RALY: variants seen among roughly 807,000 people sequenced by gnomAD.
RALY encodes the protein RNA-binding protein Raly.
A neutral mutation model predicts 30.7 loss-of-function variants in RALY; 15 were observed. The observed-to-expected ratio is 0.49, with a 90% confidence interval of 0.33 to 0.75. The LOEUF (loss-of-function observed/expected upper bound fraction) is 0.75. Among genes scored for constraint, RALY ranks in the 30% least tolerant of loss-of-function variants. The pLI is 0.02. For missense variants in RALY, 339 were observed against 414.3 expected (o/e 0.82, Z 1.58); for synonymous variants, 177 against 170.8 (o/e 1.04, Z -0.28).
rs533368584 is a variant in RALY, at chr20:33,997,865, A to G, written c.-93+3734A>G. On this transcript the variant is annotated intron_variant, in intron 1 of 9. Transcript: ENST00000246194. ...TCTCAGAGATGGTTAATAGGGTAAC[A>G]AACACATGATCATGTGTCTGGTCAT... is the stretch of plus-strand genomic sequence containing the variant. 7.2e-5 allele frequency among the ~76,000 whole-genome samples: 11 copies of G among 152,326 alleles called. No homozygotes were observed. The South Asian group carries it at 2.1e-3, about 29-fold the overall frequency.
rs529191055 is a variant in RALY at position 34,042,282 on chromosome 20, TC to T, written c.-10+10679del. On this transcript the variant is annotated intron_variant, in intron 2 of 9. Coordinates refer to ENST00000246194, the MANE Select transcript of RALY (RefSeq NM_016732.3). ...CTTCCAGGGTTCCCAGGATCACAGT[TC>T]GTAAAACGACACTGACCTGAACCAA... is the stretch of plus-strand genomic sequence containing the variant. 6.6e-5 allele frequency among the ~76,000 whole-genome samples: 10 copies of T among 152,260 alleles called. No homozygotes were observed. In the East Asian group the frequency reaches 1.2e-3, roughly 18 times the overall value.
At chr20:34,035,021 C>T (rs757260700) in intron 2 of RALY, among the ~76,000 whole-genome samples, 8 of 151,656 alleles carry the variant, frequency 5.3e-5, no homozygotes, top group South Asian at 4.2e-4. Context: ...GGTGTGGTGG[C>T]GGGTGTCTGT....
intron 2 of RALY, among the ~76,000 whole-genome samples, chr20:34,050,827 CTAT>C (rs1057307430): frequency 1.4e-4 from 21 of 152,334 alleles, no homozygotes; most frequent in African/African-American, 4.8e-4. Flanking sequence ...TATGCTATCT[CTAT>C]TCAGATAACT....
rs747094961 is a variant in RALY at position 34,073,861 on chromosome 20, C to A, written c.372C>A (p.Tyr124Ter). The A allele has an allele frequency of 6.2e-7, 1 of 1,613,916 alleles. No individual in the cohort carries two copies. The highest frequency in any genetic ancestry group is 8.5e-7 in the Non-Finnish European group (1 of 1,179,948). Residue 124 changes from tyrosine to a stop codon, truncating the protein, a stop_gained, in exon 5 of 10, where the codon TAC becomes TAA. Transcript: ENST00000246194. LOFTEE classifies it high-confidence loss of function. ...FDYDYYRDDFYDRLFDYRGRL... is the reference protein window; with the variant it reads ...FDYDYYRDDF ...ATGATTACTACCGGGACGACTTCTACGACAGGTGAGCAGGGGAGGGGCGTG... is the reference window on the plus strand; with the variant it reads ...ATGATTACTACCGGGACGACTTCTAAGACAGGTGAGCAGGGGAGGGGCGTG...
At chr20:34,069,737 G>A (rs2033674495) in intron 2 of RALY, among the ~76,000 whole-genome samples, 1 of 152,222 alleles carries the variant, frequency 6.6e-6, no homozygotes, top group Admixed American at 6.5e-5. Context: ...CGTATGCACA[G>A]TGTGTTACTA....
At position 34,045,513 on chromosome 20, in the gene RALY, C is replaced by T. The variant is rs1053554376; in HGVS notation, c.-10+13909C>T. The stretch of plus-strand genomic sequence containing the variant: ...CAGCTGAGGCCAGAACATAGGGCCC[C>T]GAGGTCCATTGGGCTGATGAGGAAA... On this transcript the variant is annotated intron_variant, in intron 2 of 9. Coordinates refer to ENST00000246194, the MANE Select transcript of RALY (RefSeq NM_016732.3). Among the ~76,000 whole-genome samples, 8 of 152,108 alleles carry T rather than the reference C, an allele frequency of 5.3e-5. No individual in the cohort carries two copies. In the East Asian group the frequency reaches 1.2e-3, roughly 22 times the overall value.
At chr20:34,029,219 C>T (rs2032169214) in intron 1 of RALY, among the ~76,000 whole-genome samples, 1 of 152,038 alleles carries the variant, frequency 6.6e-6, no homozygotes, top group Non-Finnish European at 1.5e-5. Flanking sequence ...AGGTGGATCA[C>T]CTGAGGTTGG....
chr20:34,075,927 C>T lies in RALY; in HGVS notation c.431C>T (p.Pro144Leu). 2 of 1,614,182 alleles carry T rather than the reference C, an allele frequency of 1.2e-6. No homozygotes were observed. Among genetic ancestry groups the T allele is most frequent in the African/African-American group, 2.7e-5 (2 of 75,054 alleles). Residue 144 changes from proline (P) to leucine (L), a missense_variant, in exon 6 of 10, where the codon CCT becomes CTT. By Grantham distance (98) the Pro-to-Leu change is moderately conservative (BLOSUM62 -3). Around this residue, in one of 2 missense-constraint regions of RALY, gnomAD observed 268 missense variants for 280.6 expected, o/e 0.95. Coordinates refer to ENST00000246194, the MANE Select transcript of RALY (RefSeq NM_016732.3). ...CCCGTGCCAGTGCCCAGGGCGGTCC[C>T]TGTGAAGCGACCCCGGGTCACAGTC... ...LSPVPVPRAV[P>L]VKRPRVTVPL...
rs558834356 is a variant in RALY at position 34,080,194 on chromosome 20, G to GT, written c.*295dup. 797 of 152,786 alleles carry GT rather than the reference G, an allele frequency of 5.2e-3. 4 individuals are homozygous for GT. The highest frequency in any genetic ancestry group is 0.011 in the Admixed American group (166 of 15,310). The allele number at this position is 152,786 out of a possible 1,614,324, so 9.5% of individuals were successfully genotyped here. ...CTCCCCAGGACACTCCCAGGCTTGG[G>GT]TTTTTTCTATAGGTTTGGCGGGGGG... On this transcript the variant is annotated 3_prime_UTR_variant, in exon 10 of 10. Transcript: ENST00000246194.
rs2034053925 is a variant in RALY, at chr20:34,082,995, CCT to C, written c.*3091_*3092del. On this transcript the variant is annotated 3_prime_UTR_variant, in exon 10 of 10. Transcript: ENST00000246194. The stretch of plus-strand genomic sequence containing the variant: ...GAGCTAAGAGGCCTGGGACTTTCCC[CCT>C]GTTGCTGCCAGCCAGGTTGATGACC... The C allele has an allele frequency of 6.6e-6, 1 of 152,196 alleles. No individual in the cohort carries two copies. Among genetic ancestry groups the C allele is most frequent in the Non-Finnish European group, 1.5e-5 (1 of 68,056 alleles). 9.4% of individuals were successfully genotyped at this position (152,196 alleles called of 1,614,324 possible).
chr20:34,029,779 A>T (rs1156314370), intron 1 of RALY: 1 of 152,180 alleles, frequency 6.6e-6, no homozygotes, highest in African/African-American at 2.4e-5. Flanking sequence ...AGCTGCAGAG[A>T]TCCTTTGGTT....
intron 2 of RALY, among the ~76,000 whole-genome samples, chr20:34,056,822 A>C (rs188530381): frequency 6.6e-6 from 1 of 152,246 alleles, no homozygotes; most frequent in South Asian, 2.1e-4. Context: ...CATTGGAGAT[A>C]ACAGTGTAAA....
chr20:34,067,701 A>G (rs182657708), intron 2 of RALY, among the ~76,000 whole-genome samples: 146 of 152,276 alleles, frequency 9.6e-4, no homozygotes, highest in African/African-American at 3.3e-3. Flanking sequence ...GTGGATTTTA[A>G]TTAGCTTAAA....
intron 1 of RALY, among the ~76,000 whole-genome samples, chr20:34,022,165 G>A (rs1311310156): frequency 1.3e-5 from 2 of 150,958 alleles, no homozygotes. Context: ...CCTGGGCTCA[G>A]GTGGTCTCCT....
At chr20:34,065,230 A>C (rs1004181699) in intron 2 of RALY, 1 of 152,276 alleles carries the variant, frequency 6.6e-6, no homozygotes, top group African/African-American at 2.4e-5. Flanking sequence ...ATAGTACATT[A>C]CAGATGCAAC....
At chr20:34,038,444 G>A (rs1332294354) in intron 2 of RALY, among the ~76,000 whole-genome samples, 2 of 152,112 alleles carry the variant, frequency 1.3e-5, no homozygotes, top group Non-Finnish European at 2.9e-5. Context: ...GGACAGATTG[G>A]GGGGTGCTCA....
intron 1 of RALY, among the ~76,000 whole-genome samples, chr20:34,004,583 AT>A (rs1337018959): frequency 6.6e-6 from 1 of 152,216 alleles, no homozygotes; most frequent in South Asian, 2.1e-4. Context: ...CACTTTGGAG[AT>A]GGGTGATACC....
intron 1 of RALY, among the ~76,000 whole-genome samples, chr20:34,023,722 C>T (rs975597937): frequency 2.0e-5 from 3 of 152,038 alleles, no homozygotes; most frequent in African/African-American, 7.2e-5. Context: ...GCTGGAGTAT[C>T]ACAAGAGCCC....
intron 2 of RALY, among the ~76,000 whole-genome samples, chr20:34,038,303 G>A (rs1180104233): frequency 2.0e-5 from 3 of 152,150 alleles, no homozygotes; most frequent in African/African-American, 7.2e-5. Flanking sequence ...AGGGTCCTGA[G>A]CCTGAGAACA....
Sources: gnomAD v4.1 joint callset for allele counts (sites outside exome capture counted in the v4.1 genomes callset) on GRCh38, gnomAD v4.1.1 for gene constraint, gnomAD v4.1.1 regional missense constraint, MANE v1.5 for transcripts, NCBI Gene and HGNC (gene_info 2026-07-23, HGNC 2026-07-21) for gene names.